The following PKP4 variants were observed in gnomAD, a reference collection of about 807,000 sequenced individuals.
The protein encoded by PKP4 is plakophilin-4.
Under a neutral mutation model 145.1 loss-of-function variants are expected in PKP4, and 90 were observed. The observed-to-expected ratio is 0.62, with a 90% CI of 0.52 to 0.74. PKP4 has a LOEUF of 0.74. PKP4 is among the 30% of genes least tolerant of loss of function. The pLI is 0.00. For missense variants in PKP4, 1,340 were observed against 1,482.7 expected (o/e 0.90, Z 1.58); for synonymous variants, 563 against 577.2 (o/e 0.98, Z 0.35).
intron 1 of PKP4, among the ~76,000 whole-genome samples, chr2:158,496,792 GTGTC>G (rs1695803010): frequency 6.7e-6 from 1 of 148,238 alleles, no homozygotes; most frequent in South Asian, 2.2e-4. Flanking sequence ...GTGTGTGTGT[GTGTC>G]TGTGTGTCTC....
At chr2:158,651,167 C>G (rs1465857139) in intron 11 of PKP4, among the ~76,000 whole-genome samples, 4 of 152,168 alleles carry the variant, frequency 2.6e-5, no homozygotes, top group Non-Finnish European at 5.9e-5. Context: ...TTGTTGACAG[C>G]CTTCAGCCCT....
At chr2:158,599,436 C>T (rs1203240981) in intron 3 of PKP4, among the ~76,000 whole-genome samples, 2 of 152,150 alleles carry the variant, frequency 1.3e-5, no homozygotes, top group Non-Finnish European at 2.9e-5. Flanking sequence ...AAAATTACTC[C>T]CTGCTCTTCA....
chr2:158,664,779 C>A (rs188255968), intron 15 of PKP4, among the ~76,000 whole-genome samples: 45 of 152,312 alleles, frequency 3.0e-4, no homozygotes, highest in Non-Finnish European at 5.6e-4. Flanking sequence ...AGGGGCTCTG[C>A]CCACAGTTTC....
chr2:158,553,271 A>G (rs978109075), intron 2 of PKP4, among the ~76,000 whole-genome samples: 7 of 152,214 alleles, frequency 4.6e-5, no homozygotes, highest in African/African-American at 1.7e-4. Flanking sequence ...CACTTTTAGG[A>G]AAGTGCTCTA....
At chr2:158,491,245 G>T (rs1694892740) in intron 1 of PKP4, among the ~76,000 whole-genome samples, 1 of 152,112 alleles carries the variant, frequency 6.6e-6, no homozygotes, top group Non-Finnish European at 1.5e-5. Context: ...TGGGACCTGT[G>T]TGACAGTTTC....
At chr2:158,598,695 G>A (rs1336252162) in intron 3 of PKP4, among the ~76,000 whole-genome samples, 1 of 152,156 alleles carries the variant, frequency 6.6e-6, no homozygotes, top group Admixed American at 6.5e-5. Flanking sequence ...TGTGAACCTG[G>A]GAGGCGGAGC....
intron 2 of PKP4, among the ~76,000 whole-genome samples, chr2:158,537,662 A>G (rs550505422): frequency 2.0e-5 from 3 of 152,320 alleles, no homozygotes; most frequent in South Asian, 4.1e-4. Context: ...GGAATCTCCT[A>G]ATAGTTTTCA....
intron 1 of PKP4, among the ~76,000 whole-genome samples, chr2:158,474,593 G>A (rs1451368117): frequency 6.6e-6 from 1 of 152,206 alleles, no homozygotes; most frequent in Non-Finnish European, 1.5e-5. Context: ...TTTTGGAAAT[G>A]AAAATTTACT....
chr2:158,523,279 G>T (rs2042595636), intron 1 of PKP4, among the ~76,000 whole-genome samples: 1 of 145,456 alleles, frequency 6.9e-6, no homozygotes, highest in Admixed American at 7.0e-5. Context: ...CGCAGATGGA[G>T]ATCTGAGAAC....
intron 7 of PKP4, among the ~76,000 whole-genome samples, chr2:158,627,650 A>AAAATATATATATAT (rs2052930471): frequency 6.8e-6 from 1 of 147,610 alleles, no homozygotes; most frequent in East Asian, 2.0e-4. Flanking sequence ...AAACTACAGA[A>AAAATATATATATAT]ATATATATAT....
At chr2:158,614,729 T>C (rs990568546) in intron 4 of PKP4, among the ~76,000 whole-genome samples, 11 of 152,230 alleles carry the variant, frequency 7.2e-5, no homozygotes, top group African/African-American at 2.7e-4. Flanking sequence ...AATCCAGTTT[T>C]AGCCTTTAAT....
chr2:158,672,331 C>G (rs539895311), intron 17 of PKP4, among the ~76,000 whole-genome samples: 1 of 152,322 alleles, frequency 6.6e-6, no homozygotes, highest in East Asian at 1.9e-4. Context: ...CCTTGCTTTT[C>G]TCATGGGTCA....
chr2:158,517,799 T>C (rs1231418500), intron 1 of PKP4, among the ~76,000 whole-genome samples: 1 of 151,722 alleles, frequency 6.6e-6, no homozygotes, highest in African/African-American at 2.4e-5. Context: ...GCCACTGTAG[T>C]CCCAGCTCCT....
chr2:158,641,345 AT>A (rs1192044185), intron 10 of PKP4, among the ~76,000 whole-genome samples: 1 of 151,438 alleles, frequency 6.6e-6, no homozygotes, highest in African/African-American at 2.4e-5. Flanking sequence ...AAAAAAAAAA[AT>A]TATTAGGTTA....
chr2:158,603,050 T>G lies in PKP4; in HGVS notation c.246-20T>G. ...GACAAAATAAATAAATGTTCCATTT[T>G]TTTCTTTCTTTTTCTTTAGCTCAAC... On this transcript the variant is annotated intron_variant, in intron 3 of 21. Transcript: ENST00000389759. The G allele has an allele frequency of 7.0e-7, 1 of 1,434,162 alleles. No individual in the cohort carries two copies. Among genetic ancestry groups the G allele is most frequent in the Non-Finnish European group, 9.5e-7 (1 of 1,052,570 alleles). 88.8% of individuals were successfully genotyped at this position (1,434,162 alleles called of 1,614,324 possible). A position where few individuals can be genotyped will look rare whatever the true frequency, so the allele number is the denominator to read the frequency against.
intron 3 of PKP4, among the ~76,000 whole-genome samples, chr2:158,599,254 A>G (rs1574705498): frequency 6.6e-6 from 1 of 152,306 alleles, no homozygotes; most frequent in East Asian, 1.9e-4. Flanking sequence ...TGACCCAGCC[A>G]AAAGAGGATA....
chr2:158,460,605 A>G (rs905971157), intron 1 of PKP4, among the ~76,000 whole-genome samples: 1 of 152,164 alleles, frequency 6.6e-6, no homozygotes, highest in African/African-American at 2.4e-5. Flanking sequence ...AATGCTCTGT[A>G]ATCTAATGTG....
chr2:158,675,991 CTCT>C (rs1284364928), intron 19 of PKP4, among the ~76,000 whole-genome samples: 2 of 152,068 alleles, frequency 1.3e-5, no homozygotes, highest in African/African-American at 4.8e-5. Context: ...AAATATTTCT[CTCT>C]TCTTTCTGTG....
chr2:158,531,029 C>CTAA (rs1023434281), intron 1 of PKP4, among the ~76,000 whole-genome samples: 4 of 152,094 alleles, frequency 2.6e-5, no homozygotes, highest in African/African-American at 9.7e-5. Context: ...GATGAGCCCC[C>CTAA]TAATGGTCAA....
Sources: allele counts gnomAD v4.1 joint callset (sites outside exome capture counted in the v4.1 genomes callset), GRCh38; gene constraint gnomAD v4.1.1; transcripts MANE v1.5; gene names NCBI Gene and HGNC (gene_info 2026-07-23, HGNC 2026-07-21).